CHAT: variants seen among roughly 807,000 people sequenced by gnomAD.
The protein encoded by CHAT is choline O-acetyltransferase, also known as acetyl CoA:choline O-acetyltransferase.
Under a neutral mutation model 76.9 loss-of-function variants are expected in CHAT, and 61 were observed. That is an observed-to-expected ratio of 0.79 (90% CI 0.65 to 0.98). The LOEUF is 0.98. CHAT is among the 50% of genes least tolerant of loss of function. The pLI is 0.00. For missense variants in CHAT, 946 were observed against 986.9 expected (o/e 0.96, Z 0.56); for synonymous variants, 407 against 397.4 (o/e 1.02, Z -0.29).
intron 7 of CHAT, 141 bp downstream of exon 7, chr10:49,627,926 A>C: frequency 1.1e-6 from 1 of 931,536 alleles, no homozygotes; most frequent in Non-Finnish European, 1.7e-6. Flanking sequence ...CCCTGCGGCC[A>C]GCCACAGTGC....
At chr10:49,617,737 A>ACC (rs57501820) in intron 2 of CHAT, among the ~76,000 whole-genome samples, 3 of 150,096 alleles carry the variant, frequency 2.0e-5, no homozygotes, top group Admixed American at 6.6e-5. Flanking sequence ...CACACAGACC[A>ACC]CCCCCCCCAC....
chr10:49,640,068 T>C (rs1325070266), intron 7 of CHAT, among the ~76,000 whole-genome samples: 1 of 152,124 alleles, frequency 6.6e-6, no homozygotes, highest in African/African-American at 2.4e-5. Context: ...GAGAATTTGT[T>C]TCTTTGTGGA....
rs762076771 is a variant in CHAT at position 49,652,026 on chromosome 10, G to C, written c.1634+20G>C. 3.1e-6 allele frequency: 5 copies of C among 1,614,008 alleles called. No homozygotes were observed. In the East Asian group the frequency reaches 1.1e-4, roughly 36 times the overall value. On this transcript the variant is annotated intron_variant, in intron 11 of 14. Coordinates refer to ENST00000337653, the MANE Select transcript of CHAT (RefSeq NM_020549.5). The stretch of plus-strand genomic sequence containing the variant: ...CTACAGGTGAGTGAAGGTGGAGTGA[G>C]TCTGTACCCTGGAGGGCTGACGGAC...
chr10:49,610,591 G>A (rs1421232111), upstream of CHAT: 21 of 675,342 alleles, frequency 3.1e-5, no homozygotes. Flanking sequence ...CCGGGACGCT[G>A]GGCCATGAGC....
chr10:49,627,225 T>A (rs945738831), intron 6 of CHAT, among the ~76,000 whole-genome samples: 3 of 152,392 alleles, frequency 2.0e-5, no homozygotes, highest in East Asian at 1.9e-4. Context: ...TACGTTTCTC[T>A]AAGCCTCAGG....
At chr10:49,649,730 C>T (rs1839808961) in intron 10 of CHAT, 94 bp downstream of exon 10, 2 of 1,383,516 alleles carry the variant, frequency 1.4e-6, no homozygotes, top group South Asian at 2.3e-5. Context: ...TTTCCAAAGA[C>T]CCCAGCTCCT....
chr10:49,620,725 G>T, intron 4 of CHAT, 112 bp downstream of exon 4: 1 of 845,854 alleles, frequency 1.2e-6, no homozygotes, highest in Non-Finnish European at 2.0e-6. Flanking sequence ...GAGCTTCCTG[G>T]GGTCAAATGC....
At chr10:49,641,105 A>T (rs1839466144) in intron 7 of CHAT, among the ~76,000 whole-genome samples, 1 of 152,238 alleles carries the variant, frequency 6.6e-6, no homozygotes, top group Non-Finnish European at 1.5e-5. Context: ...GTGTCCTCAC[A>T]TGGCCTTCTC....
chr10:49,644,193 C>T (rs1198448963), intron 7 of CHAT, among the ~76,000 whole-genome samples: 1 of 152,148 alleles, frequency 6.6e-6, no homozygotes, highest in African/African-American at 2.4e-5. Context: ...AGGAGAAGGG[C>T]CTTGTCCTGG....
chr10:49,658,581 T>C (rs1293491996), intron 13 of CHAT, among the ~76,000 whole-genome samples: 1 of 151,572 alleles, frequency 6.6e-6, no homozygotes, highest in Non-Finnish European at 1.5e-5. Context: ...TGGTGGCACA[T>C]GCCTGTAATC....
chr10:49,609,643 G>T (rs1838236554), upstream of CHAT, among the ~76,000 whole-genome samples: 2 of 152,088 alleles, frequency 1.3e-5, no homozygotes, highest in South Asian at 4.1e-4. Context: ...GCTCCCGGCC[G>T]CGATTCGCGG....
intron 6 of CHAT, among the ~76,000 whole-genome samples, chr10:49,626,309 T>C (rs925276872): frequency 3.9e-5 from 6 of 152,222 alleles, no homozygotes; most frequent in African/African-American, 1.4e-4. Flanking sequence ...CCTGACCTCT[T>C]CCCTGTGCCC....
Position 49,614,316 on chromosome 10 carries a change from G to C in CHAT, c.127G>C (p.Gly43Arg), listed in dbSNP as rs1423177834. The C allele has an allele frequency of 1.3e-6, 2 of 1,547,716 alleles. No individual in the cohort carries two copies. The highest frequency in any genetic ancestry group is 1.2e-5 in the South Asian group (1 of 83,908). The change falls in exon 1 of 15, where the codon GGG becomes CGG. Residue 43 changes from glycine to arginine, a missense_variant. Around this residue, in one of 3 missense-constraint regions of CHAT, gnomAD observed 548 missense variants for 516.2 expected, o/e 1.06. Coordinates refer to ENST00000337653, the MANE Select transcript of CHAT (RefSeq NM_020549.5). ...PACFLQSGGRGDPGDVGGPAG... is the reference protein window; with the variant it reads ...PACFLQSGGRRDPGDVGGPAG... ...TTGCTTTCTCCAGTCGGGTGGCCGC[G>C]GGGACCCGGGCGACGTCGGAGGCCC...
intron 1 of CHAT, chr10:49,615,673 G>T: frequency 3.5e-6 from 1 of 283,004 alleles, no homozygotes; most frequent in Non-Finnish European, 6.6e-6. Context: ...GATCTCAGAG[G>T]GTAGCAATTG....
At chr10:49,645,011 A>G (rs1394540271) in intron 7 of CHAT, among the ~76,000 whole-genome samples, 1 of 152,206 alleles carries the variant, frequency 6.6e-6, no homozygotes, top group East Asian at 1.9e-4. Flanking sequence ...CAAAGAGCAC[A>G]TGCTAGTTAT....
chr10:49,610,907 T>C (rs570262856), upstream of CHAT: 2 of 1,612,494 alleles, frequency 1.2e-6, no homozygotes, highest in African/African-American at 1.3e-5. Context: ...ATCGTGCCCA[T>C]AGTGCCCGAC....
Position 49,631,064 on chromosome 10 carries a change from C to A in CHAT, c.1111+3279C>A, listed in dbSNP as rs530270293. Among the ~76,000 whole-genome samples the A allele has an allele frequency of 2.0e-5, 3 of 152,342 alleles. No homozygotes were observed. In the South Asian group the frequency reaches 6.2e-4, roughly 32 times the overall value. On this transcript the variant is annotated intron_variant, in intron 7 of 14. Coordinates refer to ENST00000337653, the MANE Select transcript of CHAT (RefSeq NM_020549.5). ...ATTGTTATGTGATCTTCCCCACCAACGCTCAGCTCCTCAGGTTCAGCCAGA... is the reference window on the plus strand; with the variant it reads ...ATTGTTATGTGATCTTCCCCACCAAAGCTCAGCTCCTCAGGTTCAGCCAGA...
At chr10:49,611,197 G>A (rs1838284819), upstream of CHAT, 1 of 1,614,080 alleles carries the variant, frequency 6.2e-7, no homozygotes, top group African/African-American at 1.3e-5. Flanking sequence ...GAGCTACGAC[G>A]TGCCGCTGCT....
At chr10:49,634,173 T>C (rs577942422) in intron 7 of CHAT, among the ~76,000 whole-genome samples, 12 of 152,306 alleles carry the variant, frequency 7.9e-5, no homozygotes, top group African/African-American at 1.7e-4. Context: ...GACAAGAGCA[T>C]CCAGGCAGGA....
Sources: allele counts gnomAD v4.1 joint callset (sites outside exome capture counted in the v4.1 genomes callset), GRCh38; gene constraint gnomAD v4.1.1; regional missense constraint gnomAD v4.1.1; transcripts MANE v1.5; gene names NCBI Gene and HGNC (gene_info 2026-07-23, HGNC 2026-07-21).